The following BACH2 variants were observed in gnomAD, a reference collection of about 807,000 sequenced individuals.
BACH2 encodes BACH transcriptional regulator 2.
In BACH2, 5 loss-of-function variants were observed where a neutral mutation model predicts 61.8. The observed-to-expected ratio is 0.08, with a 90% CI of 0.04 to 0.17. The LOEUF (loss-of-function observed/expected upper bound fraction) is 0.17, where lower values mean the gene tolerates loss of function less well. BACH2 is among the 10% of genes least tolerant of loss of function. The pLI, the probability that BACH2 is intolerant of heterozygous loss-of-function variation, is 1.00. For synonymous variants in BACH2, 446 were observed against 440.1 expected, an observed-to-expected ratio of 1.01 and a Z score of -0.17; for missense variants, 824 against 1,091.1, an observed-to-expected ratio of 0.76 and a Z score of 3.45.
At chr6:90,254,328 A>G (rs1770909207) in intron 2 of BACH2, among the ~76,000 whole-genome samples, 1 of 152,044 alleles carries the variant, frequency 6.6e-6, no homozygotes, top group South Asian at 2.1e-4. Flanking sequence ...TCTTTTCAAA[A>G]ATTACTTAAA....
At chr6:90,140,031 C>T (rs1784412010) in intron 4 of BACH2, among the ~76,000 whole-genome samples, 1 of 152,172 alleles carries the variant, frequency 6.6e-6, no homozygotes, top group African/African-American at 2.4e-5. Flanking sequence ...GCCAGTTTTC[C>T]TTCCTACCAG....
chr6:90,094,415 C>T (rs1188919742), intron 4 of BACH2, among the ~76,000 whole-genome samples: 2 of 152,148 alleles, frequency 1.3e-5, no homozygotes, highest in Non-Finnish European at 2.9e-5. Flanking sequence ...ATACCAAGAA[C>T]ATAATTTCTA....
intron 1 of BACH2, among the ~76,000 whole-genome samples, chr6:90,293,324 G>T (rs752827319): frequency 1.1e-4 from 16 of 152,056 alleles, no homozygotes; most frequent in Non-Finnish European, 2.1e-4. Context: ...AGAGTAGAGG[G>T]GCCAGGCACA....
intron 4 of BACH2, among the ~76,000 whole-genome samples, chr6:90,124,535 T>C (rs1239801630): frequency 1.3e-5 from 2 of 152,224 alleles, no homozygotes; most frequent in African/African-American, 4.8e-5. Context: ...AAATATGTTA[T>C]ATCCCTTGTT....
intron 4 of BACH2, among the ~76,000 whole-genome samples, chr6:90,128,571 C>T (rs1347496116): frequency 6.6e-6 from 1 of 152,166 alleles, no homozygotes; most frequent in Non-Finnish European, 1.5e-5. Context: ...CAGGGCGAGA[C>T]TCTGTCTCAA....
intron 5 of BACH2, among the ~76,000 whole-genome samples, chr6:90,061,753 G>T (rs1426581947): frequency 6.6e-6 from 1 of 152,134 alleles, no homozygotes; most frequent in Non-Finnish European, 1.5e-5. Context: ...GAGAAAAGTG[G>T]GTTCCAGGAA....
chr6:90,173,445 C>A (rs1030177917), intron 4 of BACH2, among the ~76,000 whole-genome samples: 1 of 151,924 alleles, frequency 6.6e-6, no homozygotes, highest in Non-Finnish European at 1.5e-5. Context: ...AACAAACAAA[C>A]GAAAAACCTG....
chr6:90,100,749 A>ACC lies in BACH2; in HGVS notation c.-161-11642_-161-11641dup, dbSNP rs1554245833. Among the ~76,000 whole-genome samples, 963 of 150,710 alleles carry ACC rather than the reference A, an allele frequency of 6.4e-3. 8 individuals are homozygous for ACC. Among genetic ancestry groups the ACC allele is most frequent in the African/African-American group, 0.021 (877 of 40,898 alleles). ...CACAGACACACACACACACACACACACCCTCTATTGGTTCTATTCTCTGCA... is the reference window on the plus strand; with the variant it reads ...CACAGACACACACACACACACACACACCCCCTCTATTGGTTCTATTCTCTGCA... On this transcript the variant is annotated intron_variant, in intron 4 of 8. Coordinates refer to ENST00000257749, the MANE Select transcript of BACH2 (RefSeq NM_021813.4).
chr6:90,188,589 C>G (rs1768440672), intron 4 of BACH2, among the ~76,000 whole-genome samples: 1 of 151,828 alleles, frequency 6.6e-6, no homozygotes, highest in Non-Finnish European at 1.5e-5. Context: ...ATACTGTGTA[C>G]TCATTCATGA....
chr6:90,006,425 T>C (rs573177988), intron 6 of BACH2, among the ~76,000 whole-genome samples: 1 of 152,170 alleles, frequency 6.6e-6, no homozygotes, highest in African/African-American at 2.4e-5. Context: ...TTCCCGTTAC[T>C]TGGTACCCAG....
intron 5 of BACH2, chr6:90,062,756 A>T (rs1582292976): frequency 5.6e-6 from 1 of 177,514 alleles, no homozygotes; most frequent in Non-Finnish European, 9.3e-6. Flanking sequence ...CCTTCTCTCC[A>T]ACTGTTTTTT....
At chr6:90,043,310 T>C (rs1701382780) in intron 5 of BACH2, among the ~76,000 whole-genome samples, 1 of 152,162 alleles carries the variant, frequency 6.6e-6, no homozygotes, top group Non-Finnish European at 1.5e-5. Context: ...GAGGGTTCTG[T>C]CTTCATTAAT....
Position 89,931,259 on chromosome 6 carries a change from C to G in BACH2, c.*1149G>C, listed in dbSNP as rs1370153126. 4 of 152,322 alleles carry G rather than the reference C, an allele frequency of 2.6e-5. No homozygotes were observed. The highest frequency in any genetic ancestry group is 2.6e-4 in the Admixed American group (4 of 15,282). 9.4% of individuals were successfully genotyped at this position (152,322 alleles called of 1,614,324 possible). A position where few individuals can be genotyped will look rare whatever the true frequency, so the allele number is the denominator to read the frequency against. Reference sequence around the variant, plus strand: ...CCAAACTCTCTCCCCACTTAGGAATCTGAACATCCAGCATCAACTCTGAAC... The same window carrying G: ...CCAAACTCTCTCCCCACTTAGGAATGTGAACATCCAGCATCAACTCTGAAC... On this transcript the variant is annotated 3_prime_UTR_variant, in exon 9 of 9. Coordinates refer to ENST00000257749, the MANE Select transcript of BACH2 (RefSeq NM_021813.4).
chr6:90,169,819 T>G (rs1010745385), intron 4 of BACH2, among the ~76,000 whole-genome samples: 1 of 152,256 alleles, frequency 6.6e-6, no homozygotes, highest in Non-Finnish European at 1.5e-5. Flanking sequence ...CAATTGGGAC[T>G]TTCAGAACCA....
At chr6:90,293,485 T>C (rs1415445875) in intron 1 of BACH2, among the ~76,000 whole-genome samples, 1 of 152,192 alleles carries the variant, frequency 6.6e-6, no homozygotes, top group African/African-American at 2.4e-5. Flanking sequence ...GAGCCTCGAT[T>C]AGGAATTCTG....
chr6:90,102,836 T>TAAAAAA (rs1453760133), intron 4 of BACH2, among the ~76,000 whole-genome samples: 2 of 106,844 alleles, frequency 1.9e-5, no homozygotes, highest in Admixed American at 1.0e-4. Context: ...ATAATAATAA[T>TAAAAAA]AATAAAAATA....
rs112901245 is a variant in BACH2, at chr6:90,092,677, G to A, written c.-161-3568C>T. Among the ~76,000 whole-genome samples, 591 of 151,942 alleles carry A rather than the reference G, an allele frequency of 3.9e-3. 4 individuals are homozygous for A. Among genetic ancestry groups the A allele is most frequent in the African/African-American group, 0.013 (556 of 41,430 alleles). Reference sequence around the variant, plus strand: ...TTTGTGAGGCATAAAGATATTAATCGCCATTTCATAGTTTGGAAAAGAACA... The same window carrying A: ...TTTGTGAGGCATAAAGATATTAATCACCATTTCATAGTTTGGAAAAGAACA... On this transcript the variant is annotated intron_variant, in intron 4 of 8. Transcript: ENST00000257749.
At chr6:90,257,385 T>C (rs1771012773) in intron 2 of BACH2, among the ~76,000 whole-genome samples, 1 of 152,212 alleles carries the variant, frequency 6.6e-6, no homozygotes, top group South Asian at 2.1e-4. Flanking sequence ...CCAACATTTG[T>C]TATCTTTTGA....
At chr6:90,239,371 C>G (rs1770360893) in intron 3 of BACH2, among the ~76,000 whole-genome samples, 2 of 152,176 alleles carry the variant, frequency 1.3e-5, no homozygotes, top group Non-Finnish European at 2.9e-5. Context: ...ATCACATTAA[C>G]AGCTGAGAAG....
Sources: allele counts gnomAD v4.1 joint callset (sites outside exome capture counted in the v4.1 genomes callset), GRCh38; gene constraint gnomAD v4.1.1; transcripts MANE v1.5; gene names NCBI Gene and HGNC (gene_info 2026-07-23, HGNC 2026-07-21).